The following P2RX5 variants were observed in gnomAD, a reference collection of about 807,000 sequenced individuals.
P2RX5 encodes the protein purinergic receptor P2X 5.
A neutral mutation model predicts 54.1 loss-of-function variants in P2RX5; 46 were observed. That is an observed-to-expected ratio of 0.85 (90% CI 0.67 to 1.09). P2RX5 has a LOEUF of 1.09. Ranked by LOEUF, P2RX5 falls within the 50% of genes least tolerant of loss-of-function variation. The pLI, the probability that P2RX5 is intolerant of heterozygous loss-of-function variation, is 0.00. For missense variants in P2RX5, 566 were observed against 549.8 expected, an observed-to-expected ratio of 1.03 and a Z score of -0.29; for synonymous variants, 226 against 226.4, an observed-to-expected ratio of 1.00 and a Z score of 0.02.
At chr17:3,722,363 C>T in the P2RX5 span, 5 of 151,582 alleles carry the variant, frequency 3.3e-5, no homozygotes, top group African/African-American at 1.2e-4. Flanking sequence ...CGCCTGTAAT[C>T]CCAGCTACTC....
At chr17:3,709,894 G>C in the P2RX5 span, among the ~76,000 whole-genome samples, 1 of 152,170 alleles carries the variant, frequency 6.6e-6, no homozygotes, top group Non-Finnish European at 1.5e-5. Flanking sequence ...GGGCGAAAGA[G>C]CGAGACTCTG....
chr17:3,678,829 C>A (rs2142995644), intron 11 of P2RX5, among the ~76,000 whole-genome samples: 1 of 152,340 alleles, frequency 6.6e-6, no homozygotes, highest in African/African-American at 2.4e-5. Context: ...GAAAACAAGG[C>A]ACAGAAAGGG....
intron 1 of P2RX5, among the ~76,000 whole-genome samples, chr17:3,692,889 G>A (rs989957033): frequency 4.0e-5 from 6 of 151,836 alleles, no homozygotes; most frequent in African/African-American, 1.2e-4. Context: ...CACTAAAAAC[G>A]CAAGCAATAA....
chr17:3,720,217 C>A, the P2RX5 span: 1 of 674,268 alleles, frequency 1.5e-6, no homozygotes, highest in Non-Finnish European at 2.7e-6. Flanking sequence ...AGGCTGAAAA[C>A]AGGAAGAGGG....
chr17:3,677,975 C>T (rs2142995311), intron 11 of P2RX5: 1 of 985,412 alleles, frequency 1.0e-6, no homozygotes, highest in African/African-American at 1.7e-5. Context: ...GCCTGGAAGC[C>T]CCTGTCTCAT....
chr17:3,688,007 C>G lies in P2RX5; in HGVS notation c.981+5G>C, dbSNP rs753068111. The G allele has an allele frequency of 2.0e-6, 3 of 1,499,954 alleles. No homozygotes were observed. The highest frequency in any genetic ancestry group is 2.9e-5 in the African/African-American group (2 of 68,924). 92.9% of individuals were successfully genotyped at this position (1,499,954 alleles called of 1,614,324 possible). ...CAGCCTCAGAACAGGAGAAGGCACACGCACCTTGCCGTTCACCATCACGTC... is the reference window on the plus strand; with the variant it reads ...CAGCCTCAGAACAGGAGAAGGCACAGGCACCTTGCCGTTCACCATCACGTC... On this transcript the variant is annotated splice_donor_5th_base_variant and intron_variant, in intron 9 of 11. Coordinates refer to ENST00000225328, the MANE Select transcript of P2RX5 (RefSeq NM_002561.4).
chr17:3,688,807 G>C, intron 7 of P2RX5, 48 bp from the exon 8 acceptor site: 1 of 1,607,756 alleles, frequency 6.2e-7, no homozygotes, highest in Non-Finnish European at 8.5e-7. Flanking sequence ...TTCCGGAGAC[G>C]GACAGCATCC....
At chr17:3,712,904 C>T in the P2RX5 span, among the ~76,000 whole-genome samples, 1 of 152,136 alleles carries the variant, frequency 6.6e-6, no homozygotes, top group Non-Finnish European at 1.5e-5. Flanking sequence ...GATCACACCA[C>T]TGCACTCCAG....
intron 11 of P2RX5, chr17:3,677,506 G>A (rs765339136): frequency 2.0e-6 from 2 of 985,372 alleles, no homozygotes; most frequent in Non-Finnish European, 2.4e-6. Context: ...TTTATCCTTG[G>A]GGCAAGCCCA....
intron 10 of P2RX5, among the ~76,000 whole-genome samples, chr17:3,680,133 ATCCTCCACCCTGAGTCCTCCATCCG>A (rs1567730110): frequency 1.2e-4 from 9 of 72,374 alleles, no homozygotes; most frequent in African/African-American, 1.7e-4. Flanking sequence ...TCCACCCTGC[ATCCTCCACCCTGAGTCCTCCATCCG>A]GTGTCCTCCA....
At chr17:3,711,663 C>T in the P2RX5 span, among the ~76,000 whole-genome samples, 25 of 151,666 alleles carry the variant, frequency 1.6e-4, 1 homozygote, top group African/African-American at 5.8e-4. Context: ...GGATTACAGG[C>T]GTGAGCCACT....
intron 6 of P2RX5, among the ~76,000 whole-genome samples, chr17:3,689,853 TGCAC>T (rs893994725): frequency 2.0e-4 from 31 of 151,386 alleles, no homozygotes; most frequent in Non-Finnish European, 4.1e-4. Context: ...CACACACGCG[TGCAC>T]GCACGCACAC....
intron 2 of P2RX5, 31 bp from the exon 3 acceptor site, chr17:3,691,058 C>T: frequency 6.5e-7 from 1 of 1,533,384 alleles, no homozygotes; most frequent in South Asian, 1.1e-5. Context: ...TGAGGAACCT[C>T]CTCCTGCCCC....
chr17:3,712,811 T>G, the P2RX5 span, among the ~76,000 whole-genome samples: 3 of 151,924 alleles, frequency 2.0e-5, no homozygotes, highest in African/African-American at 7.3e-5. Flanking sequence ...GGCATGGTGG[T>G]GGGTCCCTGT....
At chr17:3,684,896 G>A (rs963404432) in intron 9 of P2RX5, among the ~76,000 whole-genome samples, 4 of 142,692 alleles carry the variant, frequency 2.8e-5, no homozygotes, top group Non-Finnish European at 4.5e-5. Flanking sequence ...TCCAGGCTGG[G>A]GTGCAGTTGT....
chr17:3,689,934 GCA>G (rs2050560838), intron 6 of P2RX5, 134 bp downstream of exon 6: 12 of 880,824 alleles, frequency 1.4e-5, no homozygotes, highest in South Asian at 2.6e-5. Flanking sequence ...GCGCACACAC[GCA>G]CACACGCGAA....
At chr17:3,696,927 G>C (rs1315721895), upstream of P2RX5, among the ~76,000 whole-genome samples, 1 of 151,178 alleles carries the variant, frequency 6.6e-6, no homozygotes, top group Non-Finnish European at 1.5e-5. Context: ...GCAGGGGGTG[G>C]TTGTGGGGGG....
At chr17:3,675,183 G>A (rs1161014624) in intron 11 of P2RX5, 3 of 177,594 alleles carry the variant, frequency 1.7e-5, no homozygotes, top group Non-Finnish European at 3.3e-5. Flanking sequence ...GGGACTACAA[G>A]TGCACGCCGC....
chr17:3,708,234 C>T, the P2RX5 span, among the ~76,000 whole-genome samples: 4 of 152,140 alleles, frequency 2.6e-5, no homozygotes, highest in Admixed American at 2.6e-4. Context: ...TTCCTAATGC[C>T]CACCACCTCA....
Sources: allele counts gnomAD v4.1 joint callset (sites outside exome capture counted in the v4.1 genomes callset), GRCh38; gene constraint gnomAD v4.1.1; transcripts MANE v1.5; gene names NCBI Gene and HGNC (gene_info 2026-07-23, HGNC 2026-07-21).